Variants in TUSC3 observed in about 807,000 individuals in gnomAD.
TUSC3 encodes tumor suppressor candidate 3.
Under a neutral mutation model 44.8 loss-of-function variants are expected in TUSC3, and 45 were observed. That is an observed-to-expected ratio of 1.00 (90% CI 0.79 to 1.29). The LOEUF is 1.29. Among genes scored for constraint, TUSC3 ranks in the 50% most tolerant of loss-of-function variants. TUSC3 has a pLI of 0.00. For missense variants in TUSC3, 519 were observed against 437.9 expected (o/e 1.19, Z -1.65); for synonymous variants, 212 against 152.9 (o/e 1.39, Z -2.85).
downstream of TUSC3, among the ~76,000 whole-genome samples, chr8:15,766,850 A>G (rs1812344951): frequency 6.6e-6 from 1 of 152,118 alleles, no homozygotes; most frequent in African/African-American, 2.4e-5. Context: ...AAGGCATGAC[A>G]AATTACTTTT....
chr8:15,534,643 T>TAAA (rs11385742), intron 2 of TUSC3, among the ~76,000 whole-genome samples: 42 of 129,870 alleles, frequency 3.2e-4, no homozygotes, highest in African/African-American at 5.6e-4. Context: ...ACTCGGTCTT[T>TAAA]AAAAAAAAAA....
the TUSC3 span, among the ~76,000 whole-genome samples, chr8:15,832,952 C>A: frequency 6.6e-6 from 1 of 152,192 alleles, no homozygotes; most frequent in African/African-American, 2.4e-5. Flanking sequence ...TCTACAAACT[C>A]TCCATTCAAA....
intron 9 of TUSC3, among the ~76,000 whole-genome samples, chr8:15,757,536 A>G (rs1345075198): frequency 6.6e-6 from 1 of 152,172 alleles, no homozygotes; most frequent in African/African-American, 2.4e-5. Flanking sequence ...AGTACACATC[A>G]TTGATGAGAA....
intron 1 of TUSC3, among the ~76,000 whole-genome samples, chr8:15,551,988 T>C (rs890207629): frequency 1.6e-4 from 25 of 151,744 alleles, no homozygotes; most frequent in African/African-American, 4.8e-4. Flanking sequence ...CTTAGTAAAA[T>C]AGAAACTTCT....
intron 1 of TUSC3, among the ~76,000 whole-genome samples, chr8:15,470,428 C>G (rs1233420436): frequency 6.6e-6 from 1 of 151,906 alleles, no homozygotes; most frequent in Non-Finnish European, 1.5e-5. Context: ...GTAATGTAAC[C>G]CTAATATAAA....
At chr8:15,700,200 G>A (rs1450150898) in intron 6 of TUSC3, among the ~76,000 whole-genome samples, 1 of 152,084 alleles carries the variant, frequency 6.6e-6, no homozygotes, top group East Asian at 1.9e-4. Context: ...TCAGAAAAAA[G>A]TTTATCATGC....
intron 2 of TUSC3, among the ~76,000 whole-genome samples, chr8:15,625,088 A>AT (rs1042737440): frequency 2.6e-5 from 4 of 151,944 alleles, no homozygotes; most frequent in Non-Finnish European, 5.9e-5. Context: ...CATTAAAAAA[A>AT]TTTTTTTTGT....
chr8:15,695,004 C>G, intron 6 of TUSC3, among the ~76,000 whole-genome samples: 1 of 152,180 alleles, frequency 6.6e-6, no homozygotes, highest in Non-Finnish European at 1.5e-5. Flanking sequence ...GCACCATTGC[C>G]GGTGTCATAG....
At chr8:15,446,887 T>A (rs1800112087) in intron 1 of TUSC3, among the ~76,000 whole-genome samples, 1 of 123,918 alleles carries the variant, frequency 8.1e-6, no homozygotes, top group African/African-American at 2.8e-5. Context: ...ACAAAAAGGA[T>A]GAGTAGGTAA....
At chr8:15,803,157 G>A in the TUSC3 span, among the ~76,000 whole-genome samples, 3 of 152,132 alleles carry the variant, frequency 2.0e-5, no homozygotes, top group African/African-American at 7.2e-5. Context: ...AGTGAACAGT[G>A]AGGGGTGAGT....
chr8:15,442,394 G>A (rs897297651), intron 1 of TUSC3, among the ~76,000 whole-genome samples: 1 of 151,850 alleles, frequency 6.6e-6, no homozygotes, highest in African/African-American at 2.4e-5. Flanking sequence ...GTAGAAAAAA[G>A]GTAAAGTTAT....
upstream of TUSC3, among the ~76,000 whole-genome samples, chr8:15,539,406 G>A (rs550022090): frequency 1.5e-3 from 200 of 133,686 alleles, no homozygotes; most frequent in African/African-American, 5.7e-3. Flanking sequence ...AGGCTGGAGT[G>A]CAGTGGAGTG....
chr8:15,623,899 G>T (rs1805369068), intron 2 of TUSC3, among the ~76,000 whole-genome samples: 1 of 152,082 alleles, frequency 6.6e-6, no homozygotes, highest in Non-Finnish European at 1.5e-5. Flanking sequence ...ACAGACAAAT[G>T]CGGAACAGCT....
At chr8:15,724,872 AG>A (rs1810442364) in intron 6 of TUSC3, among the ~76,000 whole-genome samples, 1 of 152,196 alleles carries the variant, frequency 6.6e-6, no homozygotes, top group Non-Finnish European at 1.5e-5. Flanking sequence ...AGTTAGTGAG[AG>A]ATAATCACCC....
chr8:15,748,360 T>A lies in TUSC3; in HGVS notation c.938-15T>A. The A allele has an allele frequency of 6.3e-7, 1 of 1,590,014 alleles. No individual in the cohort carries two copies. Among genetic ancestry groups the A allele is most frequent in the Non-Finnish European group, 8.6e-7 (1 of 1,158,310 alleles). ...ATATTTTTAGACACTAATGGTATTT[T>A]CTGTCTGTTTCTAGTAATTTGCCTA... On this transcript the variant is annotated splice_polypyrimidine_tract_variant and intron_variant, in intron 8 of 10. Coordinates refer to ENST00000503731, the MANE Select transcript of TUSC3 (RefSeq NM_006765.4).
chr8:15,710,191 C>T (rs1809786073), intron 6 of TUSC3, among the ~76,000 whole-genome samples: 1 of 151,944 alleles, frequency 6.6e-6, no homozygotes, highest in East Asian at 1.9e-4. Context: ...GATGATCTCT[C>T]CCAAGAAACT....
chr8:15,570,380 ATTC>A (rs1478825103), intron 1 of TUSC3, among the ~76,000 whole-genome samples: 1 of 151,934 alleles, frequency 6.6e-6, no homozygotes, highest in East Asian at 1.9e-4. Flanking sequence ...GAAAGATTGT[ATTC>A]TTTGGTTTGA....
chr8:15,697,286 T>C lies in TUSC3; in HGVS notation c.798+23450T>C, dbSNP rs144596800. Among the ~76,000 whole-genome samples the C allele has an allele frequency of 6.1e-3, 932 of 152,360 alleles. 13 individuals are homozygous for C. Among genetic ancestry groups the C allele is most frequent in the African/African-American group, 0.021 (861 of 41,586 alleles). On this transcript the variant is annotated intron_variant, in intron 6 of 10. Coordinates refer to ENST00000503731, the MANE Select transcript of TUSC3 (RefSeq NM_006765.4). ...TTTTTGTTTCAATTTCATTTAGTTC[T>C]GCTCTGATCTTGGTTATTTCCTTTC...
chr8:15,499,335 T>C (rs190629493), intron 2 of TUSC3, among the ~76,000 whole-genome samples: 34 of 152,352 alleles, frequency 2.2e-4, no homozygotes, highest in Middle Eastern at 6.8e-3. Flanking sequence ...AAATCAGTTT[T>C]GTCATATGTA....
Sources: gnomAD v4.1 joint callset for allele counts (sites outside exome capture counted in the v4.1 genomes callset) on GRCh38, gnomAD v4.1.1 for gene constraint, MANE v1.5 for transcripts, NCBI Gene and HGNC (gene_info 2026-07-23, HGNC 2026-07-21) for gene names.